The following USP49 variants were observed in gnomAD, a reference collection of about 807,000 sequenced individuals.
USP49 encodes ubiquitin carboxyl-terminal hydrolase 49.
Under a neutral mutation model 58.6 loss-of-function variants are expected in USP49, and 24 were observed. The observed-to-expected ratio is 0.41, with a 90% CI of 0.30 to 0.58. USP49 has a LOEUF of 0.58. Ranked by LOEUF, USP49 falls within the 20% of genes least tolerant of loss-of-function variation. The probability of loss-of-function intolerance (pLI) is 0.30; values close to 1 mark genes in which losing one functional copy is unlikely to be tolerated. For missense variants in USP49, 703 were observed against 866.1 expected (o/e 0.81, Z 2.36); for synonymous variants, 408 against 365.1 (o/e 1.12, Z -1.34).
intron 6 of USP49, 150 bp from the exon 7 acceptor site, chr6:41,799,079 C>CTCATTTATTTAT (rs1554142576): frequency 5.5e-6 from 2 of 360,600 alleles, no homozygotes; most frequent in East Asian, 1.4e-4. Flanking sequence ...AATGTTCACA[C>CTCATTTATTTAT]TTATTTATTT....
At chr6:41,883,835 C>T (rs972870653) in intron 2 of USP49, among the ~76,000 whole-genome samples, 36 of 151,812 alleles carry the variant, frequency 2.4e-4, no homozygotes, top group African/African-American at 8.5e-4. Context: ...AATTCTCAAA[C>T]ATGTCCACTC....
chr6:41,820,682 T>G (rs962339187), intron 3 of USP49, among the ~76,000 whole-genome samples: 4 of 152,226 alleles, frequency 2.6e-5, no homozygotes, highest in Non-Finnish European at 5.9e-5. Context: ...CTCTTTATTT[T>G]GGGGTATGCT....
At chr6:41,839,613 G>A (rs1287920153) in intron 3 of USP49, among the ~76,000 whole-genome samples, 1 of 151,664 alleles carries the variant, frequency 6.6e-6, no homozygotes, top group Non-Finnish European at 1.5e-5. Flanking sequence ...ATCAACCAAC[G>A]AGTGGATAAA....
At chr6:41,890,455 G>C (rs763885883) in intron 2 of USP49, among the ~76,000 whole-genome samples, 1 of 151,886 alleles carries the variant, frequency 6.6e-6, no homozygotes, top group Non-Finnish European at 1.5e-5. Flanking sequence ...GCTCACATCT[G>C]TAATACCAGC....
In USP49 at chr6:41,792,099, C is replaced by T. The variant is rs1772806867; in HGVS notation, c.*4434G>A. On this transcript the variant is annotated 3_prime_UTR_variant, in exon 8 of 8. Transcript: ENST00000682992. ...CAGAGTAAAAGAAACTGGCTGTAAACAGCCCTGCAGTGAAGAGACTGGGTC... is the reference window on the plus strand; with the variant it reads ...CAGAGTAAAAGAAACTGGCTGTAAATAGCCCTGCAGTGAAGAGACTGGGTC... 6.6e-6 allele frequency: 1 copy of T among 152,208 alleles called. No individual in the cohort carries two copies. The highest frequency in any genetic ancestry group is 2.1e-4 in the South Asian group (1 of 4,836). 9.4% of individuals were successfully genotyped at this position (152,208 alleles called of 1,614,324 possible). A position where few individuals can be genotyped will look rare whatever the true frequency, so the allele number is the denominator to read the frequency against.
chr6:41,846,043 C>G (rs771899966), intron 3 of USP49, among the ~76,000 whole-genome samples: 11 of 152,032 alleles, frequency 7.2e-5, no homozygotes, highest in Non-Finnish European at 1.6e-4. Flanking sequence ...TGGCCAGGCA[C>G]GGTGGCTCAC....
intron 3 of USP49, among the ~76,000 whole-genome samples, chr6:41,860,257 G>A (rs1774196068): frequency 6.6e-6 from 1 of 151,586 alleles, no homozygotes; most frequent in African/African-American, 2.4e-5. Context: ...AGCTTGCAAG[G>A]AGAGAGGGAG....
At chr6:41,889,497 G>A (rs765284534) in intron 2 of USP49, among the ~76,000 whole-genome samples, 3 of 152,130 alleles carry the variant, frequency 2.0e-5, no homozygotes, top group Non-Finnish European at 4.4e-5. Flanking sequence ...TACCTCCATA[G>A]CTAGCATGTC....
chr6:41,875,079 C>T (rs940076432), intron 2 of USP49, among the ~76,000 whole-genome samples: 15 of 152,126 alleles, frequency 9.9e-5, no homozygotes, highest in Admixed American at 5.2e-4. Context: ...TGATAGCTCC[C>T]TAATATTAAT....
chr6:41,791,831 A>G lies in USP49; in HGVS notation c.*4702T>C, dbSNP rs1420000334. ...TAAGATACAAACTAAACTCACAGTCATATTTAGAAGGCGCTTTTCAGCTTT... is the reference window on the plus strand; with the variant it reads ...TAAGATACAAACTAAACTCACAGTCGTATTTAGAAGGCGCTTTTCAGCTTT... On this transcript the variant is annotated 3_prime_UTR_variant, in exon 8 of 8. Coordinates refer to ENST00000682992, the MANE Select transcript of USP49 (RefSeq NM_001286554.2). The G allele has an allele frequency of 2.0e-5, 3 of 152,228 alleles. No homozygotes were observed. The highest frequency in any genetic ancestry group is 7.2e-5 in the African/African-American group (3 of 41,458). The allele number at this position is 152,228 out of a possible 1,614,324, so 9.4% of individuals were successfully genotyped here.
intron 3 of USP49, among the ~76,000 whole-genome samples, chr6:41,835,125 C>T (rs1323268378): frequency 6.6e-6 from 1 of 152,192 alleles, no homozygotes; most frequent in Non-Finnish European, 1.5e-5. Flanking sequence ...TTAGAGAACA[C>T]AGCTTGCTTA....
intron 3 of USP49, among the ~76,000 whole-genome samples, chr6:41,862,660 TATG>T (rs1361346927): frequency 3.7e-4 from 56 of 152,348 alleles, no homozygotes; most frequent in African/African-American, 1.3e-3. Context: ...TTTAATAGTG[TATG>T]ATATGTTTAC....
chr6:41,839,814 A>C (rs960365396), intron 3 of USP49, among the ~76,000 whole-genome samples: 2 of 141,538 alleles, frequency 1.4e-5, no homozygotes, highest in Non-Finnish European at 3.1e-5. Flanking sequence ...CATAGGAATG[A>C]TATAATGGAT....
In USP49 at chr6:41,798,987, G is replaced by A. The variant is rs1772944208; in HGVS notation, c.1671-58C>T. ...AAACTGGCATATATAATCGTAGGTAGAGGTAGGTATTAATAAAACAGGAAA... is the reference window on the plus strand; with the variant it reads ...AAACTGGCATATATAATCGTAGGTAAAGGTAGGTATTAATAAAACAGGAAA... On this transcript the variant is annotated intron_variant, in intron 6 of 7. Coordinates refer to ENST00000682992, the MANE Select transcript of USP49 (RefSeq NM_001286554.2). 3.8e-6 allele frequency: 6 copies of A among 1,566,312 alleles called. No homozygotes were observed. In the South Asian group the frequency reaches 5.9e-5, roughly 15 times the overall value.
intron 3 of USP49, among the ~76,000 whole-genome samples, chr6:41,860,352 T>A (rs1582026342): frequency 6.6e-6 from 1 of 152,092 alleles, no homozygotes; most frequent in East Asian, 1.9e-4. Context: ...ATTGCAACAT[T>A]TGAACTTTAC....
chr6:41,895,250 C>T (rs1166033317), intron 1 of USP49, 74 bp downstream of exon 1: 1 of 150,940 alleles, frequency 6.6e-6, no homozygotes, highest in African/African-American at 2.4e-5. Context: ...CCCCCGTTCC[C>T]CCTACCCCCT....
At chr6:41,856,552 T>G (rs953380757) in intron 3 of USP49, among the ~76,000 whole-genome samples, 1 of 152,134 alleles carries the variant, frequency 6.6e-6, no homozygotes, top group Admixed American at 6.6e-5. Flanking sequence ...ACATGCAACT[T>G]CAAATGATAC....
chr6:41,859,074 C>T (rs1774176915), intron 3 of USP49, among the ~76,000 whole-genome samples: 1 of 152,212 alleles, frequency 6.6e-6, no homozygotes, highest in Admixed American at 6.5e-5. Context: ...GCCCACATTA[C>T]TGCAACTGCC....
chr6:41,863,270 T>A (rs1356405691), intron 3 of USP49, among the ~76,000 whole-genome samples: 2 of 152,184 alleles, frequency 1.3e-5, no homozygotes, highest in African/African-American at 4.8e-5. Flanking sequence ...GAGTATTAGA[T>A]CCTAGTCTAG....
Sources: gnomAD v4.1 joint callset for allele counts (sites outside exome capture counted in the v4.1 genomes callset) on GRCh38, gnomAD v4.1.1 for gene constraint, MANE v1.5 for transcripts, NCBI Gene and HGNC (gene_info 2026-07-23, HGNC 2026-07-21) for gene names.